ROBO2: variants seen among roughly 807,000 people sequenced by gnomAD.
The protein encoded by ROBO2 is roundabout guidance receptor 2.
ROBO2 carries 53 observed loss-of-function variants against 160.8 expected under a neutral mutation model. The ratio of observed to expected loss-of-function variants is 0.33; its 90% CI spans 0.26 to 0.41. The LOEUF is 0.41. Ranked by LOEUF, ROBO2 falls within the 10% of genes least tolerant of loss-of-function variation. The pLI is 1.00. For synonymous variants in ROBO2, 664 were observed against 611.7 expected (o/e 1.09, Z -1.26); for missense variants, 1,577 against 1,722.4 (o/e 0.92, Z 1.49).
intron 6 of ROBO2, among the ~76,000 whole-genome samples, chr3:77,533,830 C>T (rs1315329768): frequency 6.6e-6 from 1 of 151,694 alleles, no homozygotes; most frequent in Non-Finnish European, 1.5e-5. Context: ...AAAGTATTTC[C>T]AGGAAGGGCA....
At chr3:77,195,110 T>C (rs17769204) in intron 2 of ROBO2, among the ~76,000 whole-genome samples, 29,786 of 152,088 alleles carry the variant, frequency 0.2, 3,360 homozygotes, top group Middle Eastern at 0.3. Flanking sequence ...CCTTCAAATA[T>C]GTTTTTCTCC....
chr3:76,517,791 A>C (rs2081413402), intron 2 of ROBO2, among the ~76,000 whole-genome samples: 1 of 152,056 alleles, frequency 6.6e-6, no homozygotes, highest in Non-Finnish European at 1.5e-5. Flanking sequence ...ACTTATATAC[A>C]CTCCTGTCCA....
At chr3:76,321,188 A>G (rs2072491609) in intron 2 of ROBO2, among the ~76,000 whole-genome samples, 1 of 152,178 alleles carries the variant, frequency 6.6e-6, no homozygotes. Flanking sequence ...TATATTTCAA[A>G]CAATGATAAC....
intron 2 of ROBO2, among the ~76,000 whole-genome samples, chr3:77,399,797 A>T (rs1022327170): frequency 1.3e-5 from 2 of 152,156 alleles, no homozygotes; most frequent in African/African-American, 4.8e-5. Flanking sequence ...AAAAACATTT[A>T]CACCTATCTA....
At position 77,220,504 on chromosome 3, in the gene ROBO2, C is replaced by T. The variant is rs376395371; in HGVS notation, c.388+122164C>T. 6.0e-3 allele frequency among the ~76,000 whole-genome samples: 914 copies of T among 151,502 alleles called. 8 individuals are homozygous for T. Among genetic ancestry groups the T allele is most frequent in the African/African-American group, 0.021 (853 of 41,328 alleles). On this transcript the variant is annotated intron_variant, in intron 2 of 25. Coordinates refer to ENST00000461745, the Ensembl canonical transcript of ROBO2. ...TCATTTATATATGTCATTTTTTATA[C>T]GAATAAAATATTTAAATATTATAAT...
In ROBO2 at chr3:76,834,036, TTTCC is replaced by T. The variant is rs764386725; in HGVS notation, c.110-263975_110-263972del. Among the ~76,000 whole-genome samples the T allele has an allele frequency of 4.5e-3, 674 of 148,440 alleles. 10 individuals carry two copies. Among genetic ancestry groups the T allele is most frequent in the East Asian group, 0.011 (53 of 4,974 alleles). ...TTCCTTTCTTTCTTTTCTTTCTTTC[TTTCC>T]TTTCTTTCTCTCCTTTCTTTCTTTT... On this transcript the variant is annotated intron_variant, in intron 2 of 26. Coordinates refer to the ROBO2 transcript ENST00000487694.
chr3:77,454,030 C>G (rs113540905), intron 2 of ROBO2, among the ~76,000 whole-genome samples: 5 of 152,042 alleles, frequency 3.3e-5, no homozygotes, highest in African/African-American at 1.2e-4. Flanking sequence ...ATGATTGGAC[C>G]AGACACCCTC....
intron 2 of ROBO2, among the ~76,000 whole-genome samples, chr3:77,231,363 C>CAAA (rs60535204): frequency 0.023 from 1,365 of 59,482 alleles, 54 homozygotes; most frequent in African/African-American, 0.087. Flanking sequence ...AGACTCCATC[C>CAAA]AAAAAAAAAA....
chr3:76,398,487 A>G (rs1428290092), intron 2 of ROBO2, among the ~76,000 whole-genome samples: 1 of 151,816 alleles, frequency 6.6e-6, no homozygotes, highest in Non-Finnish European at 1.5e-5. Context: ...ATAATAAAAG[A>G]AAAGAAAAAG....
At chr3:76,242,695 G>T (rs1478352170) in intron 2 of ROBO2, among the ~76,000 whole-genome samples, 2 of 152,068 alleles carry the variant, frequency 1.3e-5, no homozygotes, top group East Asian at 3.9e-4. Context: ...AGATCAACCA[G>T]GGCAACATAG....
intron 2 of ROBO2, among the ~76,000 whole-genome samples, chr3:76,743,782 A>C (rs1366170997): frequency 1.3e-5 from 2 of 151,882 alleles, no homozygotes; most frequent in Admixed American, 6.6e-5. Context: ...AAGCTCAATA[A>C]ATTATAAATT....
At chr3:76,639,464 T>TCTCA (rs371365742) in intron 2 of ROBO2, among the ~76,000 whole-genome samples, 9 of 149,116 alleles carry the variant, frequency 6.0e-5, no homozygotes, top group African/African-American at 2.2e-4. Flanking sequence ...CTACACTCTC[T>TCTCA]CACACACACA....
exon 26 of ROBO2, chr3:77,647,219 T>C (rs2095418479): frequency 6.6e-6 from 1 of 152,266 alleles, no homozygotes; most frequent in Non-Finnish European, 1.5e-5. Flanking sequence ...ACTTAAAAAA[T>C]AATACAGTTT....
In ROBO2 at chr3:77,525,074, T is replaced by TG. The variant is rs905124799; in HGVS notation, c.934+2172_934+2173insG. On this transcript the variant is annotated intron_variant, in intron 6 of 25. Transcript: ENST00000461745. ...CTGTTATCTACGACTTATTTTTTTT[T>TG]CTTTGCTAATTTTTCTATGCACATA... Among the ~76,000 whole-genome samples the TG allele has an allele frequency of 7.3e-5, 11 of 151,168 alleles. No homozygotes were observed. The South Asian group carries it at 8.3e-4, about 11-fold the overall frequency.
At chr3:77,225,798 G>T (rs2086424348) in intron 2 of ROBO2, among the ~76,000 whole-genome samples, 1 of 151,940 alleles carries the variant, frequency 6.6e-6, no homozygotes, top group Admixed American at 6.6e-5. Context: ...TTATAATAAT[G>T]TTTAAAAGCC....
rs548478936 is a variant in ROBO2, at chr3:76,507,120, G to A, written c.109+569518G>A. Among the ~76,000 whole-genome samples the A allele has an allele frequency of 1.1e-4, 16 of 152,046 alleles. No homozygotes were observed. The South Asian group carries it at 1.4e-3, about 14-fold the overall frequency. On this transcript the variant is annotated intron_variant, in intron 2 of 26. Coordinates refer to the ROBO2 transcript ENST00000487694. ...GGCTTTTACTGATTCATAAATTAAC[G>A]AAATAGTTACAATCAACATAAATTA... is the stretch of plus-strand genomic sequence containing the variant.
chr3:77,445,794 GTTTTTT>G (rs199914360), intron 2 of ROBO2, among the ~76,000 whole-genome samples: 3 of 123,078 alleles, frequency 2.4e-5, no homozygotes, highest in African/African-American at 9.5e-5. Context: ...GTTTTTTTTT[GTTTTTT>G]TTTTTTTTTT....
At chr3:77,129,904 T>A (rs1183442738) in intron 2 of ROBO2, among the ~76,000 whole-genome samples, 1 of 152,150 alleles carries the variant, frequency 6.6e-6, no homozygotes, top group Non-Finnish European at 1.5e-5. Context: ...ACTGAGCTTG[T>A]TGTCACTGGT....
rs1355645351 is a variant in ROBO2 at position 76,272,895 on chromosome 3, TATA to T, written c.109+335297_109+335299del. On this transcript the variant is annotated intron_variant, in intron 2 of 26. Coordinates refer to the ROBO2 transcript ENST00000487694. Reference sequence around the variant, plus strand: ...TATAATATATATTTATATATAAAAATATAATATATATTTATATATAAAATATAT... The same window carrying T: ...TATAATATATATTTATATATAAAAATATATATATTTATATATAAAATATAT... 1.6e-4 allele frequency among the ~76,000 whole-genome samples: 9 copies of T among 54,790 alleles called. 1 individual carries two copies. Among genetic ancestry groups the T allele is most frequent in the African/African-American group, 4.4e-4 (7 of 15,990 alleles). The allele number at this position is 54,790 out of a possible 152,430, so 35.9% of individuals were successfully genotyped here.
Sources: gnomAD v4.1 joint callset for allele counts (sites outside exome capture counted in the v4.1 genomes callset) on GRCh38, gnomAD v4.1.1 for gene constraint, MANE v1.5 for transcripts, NCBI Gene and HGNC (gene_info 2026-07-23, HGNC 2026-07-21) for gene names.